Variants in ROPN1B observed in about 807,000 individuals in gnomAD.
ROPN1B encodes the protein rhophilin associated tail protein 1B.
ROPN1B carries 13 observed loss-of-function variants against 23.7 expected under a neutral mutation model. The observed-to-expected ratio is 0.55, with a 90% CI of 0.36 to 0.87. The LOEUF is 0.87. Among genes scored for constraint, ROPN1B ranks in the 40% least tolerant of loss-of-function variants. The pLI is 0.01. For synonymous variants in ROPN1B, 67 were observed against 100.4 expected (o/e 0.67, Z 1.99); for missense variants, 183 against 249.2 (o/e 0.73, Z 1.79).
chr3:125,982,337 G>A lies in ROPN1B; in HGVS notation c.464G>A (p.Arg155Gln), dbSNP rs771565742. 106 of 1,613,222 alleles carry A rather than the reference G, an allele frequency of 6.6e-5. 1 individual carries two copies. The highest frequency in any genetic ancestry group is 4.9e-4 in the Middle Eastern group (3 of 6,084). The change falls in exon 6 of 7, where the codon CGA becomes CAA. Residue 155 changes from arginine to glutamine, a missense_variant. Transcript: ENST00000514116. ...LSCDHNGGLP[R>Q]IPFSTFQFLY... ...TGTGACCACAATGGTGGGTTGCCCC[G>A]AATCCCATTCAGCACCTTCCAGTTT...
At chr3:125,982,176 A>G (rs900647355) in intron 5 of ROPN1B, 94 bp from the exon 6 acceptor site, 5 of 1,033,964 alleles carry the variant, frequency 4.8e-6, no homozygotes, top group Admixed American at 5.9e-5. Flanking sequence ...ATTTTATAAG[A>G]GCAATATTTT....
At chr3:125,979,774 A>G (rs1938547885) in intron 5 of ROPN1B, among the ~76,000 whole-genome samples, 1 of 152,202 alleles carries the variant, frequency 6.6e-6, no homozygotes, top group Non-Finnish European at 1.5e-5. Context: ...TGTGTCATCT[A>G]GAAAAGCCAG....
chr3:125,973,904 C>T (rs1938304803), intron 3 of ROPN1B: 1 of 153,686 alleles, frequency 6.5e-6, no homozygotes, highest in Non-Finnish European at 1.5e-5. Flanking sequence ...TATGTGTTGT[C>T]AATGAAGAAA....
chr3:125,971,940 CA>C, intron 2 of ROPN1B, 102 bp from the exon 3 acceptor site: 1 of 1,090,602 alleles, frequency 9.2e-7, no homozygotes, highest in South Asian at 1.7e-5. Context: ...GCGGAGTCCC[CA>C]AAATTGAGTG....
intron 3 of ROPN1B, among the ~76,000 whole-genome samples, chr3:125,975,091 G>C (rs747244581): frequency 3.3e-5 from 5 of 152,112 alleles, no homozygotes; most frequent in Non-Finnish European, 5.9e-5. Flanking sequence ...TGGTCCTCCA[G>C]GCTCAGGCTC....
At chr3:125,972,713 G>T in intron 3 of ROPN1B, 1 of 357,952 alleles carries the variant, frequency 2.8e-6, no homozygotes. Flanking sequence ...AAGAGGCTTT[G>T]TATCTTTGAG....
At chr3:125,974,949 C>T (rs1469469452) in intron 3 of ROPN1B, among the ~76,000 whole-genome samples, 1 of 152,148 alleles carries the variant, frequency 6.6e-6, no homozygotes, top group African/African-American at 2.4e-5. Context: ...TCCTGATTCA[C>T]CCCAGGATGC....
intron 5 of ROPN1B, chr3:125,977,822 G>A (rs1938478653): frequency 6.6e-6 from 1 of 152,398 alleles, no homozygotes; most frequent in African/African-American, 2.4e-5. Context: ...GACTTACATT[G>A]TTAAACATTG....
rs751324497 is a variant in ROPN1B at position 125,983,236 on chromosome 3, A to G, written c.573-18A>G. The G allele has an allele frequency of 1.8e-5, 28 of 1,575,876 alleles. No homozygotes were observed. Among genetic ancestry groups the G allele is most frequent in the Non-Finnish European group, 2.4e-5 (27 of 1,146,024 alleles). On this transcript the variant is annotated intron_variant, in intron 6 of 6. Transcript: ENST00000514116. The stretch of plus-strand genomic sequence containing the variant: ...AACTGTCAATGAACTAACTGCAGAT[A>G]TACCTTTATCCAAACAGAATTGGTC...
intron 5 of ROPN1B, among the ~76,000 whole-genome samples, chr3:125,978,912 C>T (rs1268140487): frequency 6.6e-6 from 1 of 152,090 alleles, no homozygotes; most frequent in Non-Finnish European, 1.5e-5. Context: ...GCTTAGCCCA[C>T]CGTGTAGATG....
At chr3:125,978,074 C>T (rs774207385) in intron 5 of ROPN1B, 5 of 152,190 alleles carry the variant, frequency 3.3e-5, no homozygotes, top group Non-Finnish European at 5.9e-5. Flanking sequence ...TTTCCTATAG[C>T]TTCCCCTACA....
intron 1 of ROPN1B, among the ~76,000 whole-genome samples, chr3:125,970,544 C>T (rs1938159376): frequency 6.6e-6 from 1 of 152,160 alleles, no homozygotes; most frequent in Non-Finnish European, 1.5e-5. Flanking sequence ...GCTGCCATTT[C>T]ACATTGGGAG....
intron 5 of ROPN1B, among the ~76,000 whole-genome samples, chr3:125,979,518 G>A (rs1464437623): frequency 6.6e-6 from 1 of 152,182 alleles, no homozygotes; most frequent in Non-Finnish European, 1.5e-5. Flanking sequence ...TCATTCATGA[G>A]GAACAGGCCC....
chr3:125,977,622 CAAAG>C (rs1242908167), intron 5 of ROPN1B: 1 of 190,714 alleles, frequency 5.2e-6, no homozygotes, highest in East Asian at 1.3e-4. Context: ...AAAGCAAAAA[CAAAG>C]AGAGATGAGG....
chr3:125,982,292 T>C lies in ROPN1B; in HGVS notation c.419T>C (p.Ile140Thr), dbSNP rs147334475. 989 of 1,609,656 alleles carry C rather than the reference T, an allele frequency of 6.1e-4. 8 individuals are homozygous for C. The highest frequency in any genetic ancestry group is 1.7e-4 in the Admixed American group (10 of 59,028). The change falls in exon 6 of 7, where the codon ATA (isoleucine) becomes ACA (threonine). Residue 140 changes from isoleucine to threonine, a missense_variant. Ile to Thr is a moderately conservative substitution (Grantham distance 89). Around this residue, in one of 3 missense-constraint regions of ROPN1B, gnomAD observed 80 missense variants for 98.0 expected, o/e 0.82. Coordinates refer to ENST00000514116, the MANE Select transcript of ROPN1B (RefSeq NM_001308313.2). Reference sequence around the variant, plus strand: ...TAGACTATTACCAAAACTCTCAAGATAGTGTGTGAGGTCTTATCATGTGAC... The same window carrying C: ...TAGACTATTACCAAAACTCTCAAGACAGTGTGTGAGGTCTTATCATGTGAC... ...LGVTITKTLK[I>T]VCEVLSCDHN... is the part of the protein sequence containing the mutation.
chr3:125,972,162 G>C lies in ROPN1B; in HGVS notation c.108G>C (p.Trp36Cys). The change falls in exon 3 of 7, where the codon TGG becomes TGC. Residue 36 changes from tryptophan (W) to cysteine (C), a missense_variant. Trp to Cys is a radical substitution (Grantham distance 215). This residue lies in a region of ROPN1B where 97 missense variants were observed against 99.6 expected (regional missense o/e 0.97). Coordinates refer to ENST00000514116, the MANE Select transcript of ROPN1B (RefSeq NM_001308313.2). ...CGCAGCCGCAGGACCTCATCCAGTG[G>C]GGGGCCGAGTACGTGCTCCTTTCTC... ...IRAQPQDLIQ[W>C]GADYFEALSR... The C allele has an allele frequency of 6.2e-7, 1 of 1,614,208 alleles. No homozygotes were observed. Among genetic ancestry groups the C allele is most frequent in the Non-Finnish European group, 8.5e-7 (1 of 1,180,010 alleles).
At chr3:125,971,901 G>A (rs1265864754) in intron 2 of ROPN1B, 142 bp from the exon 3 acceptor site, 2 of 628,716 alleles carry the variant, frequency 3.2e-6, no homozygotes, top group African/African-American at 1.8e-5. Context: ...TAACCTTGCC[G>A]TTGTGTAACA....
intron 5 of ROPN1B, among the ~76,000 whole-genome samples, chr3:125,980,140 A>C (rs1938563279): frequency 6.6e-6 from 1 of 152,216 alleles, no homozygotes; most frequent in Admixed American, 6.5e-5. Flanking sequence ...GTGGATCCCC[A>C]AAAAAATATT....
chr3:125,971,905 T>C (rs1938220527), intron 2 of ROPN1B, 138 bp from the exon 3 acceptor site: 1 of 648,982 alleles, frequency 1.5e-6, no homozygotes, highest in Non-Finnish European at 2.5e-6. Flanking sequence ...CTTGCCGTTG[T>C]GTAACAATAG....
Sources: allele counts gnomAD v4.1 joint callset (sites outside exome capture counted in the v4.1 genomes callset), GRCh38; gene constraint gnomAD v4.1.1; regional missense constraint gnomAD v4.1.1; transcripts MANE v1.5; gene names NCBI Gene and HGNC (gene_info 2026-07-23, HGNC 2026-07-21).